The following SLC4A7 variants were observed in gnomAD, a reference collection of about 807,000 sequenced individuals.
SLC4A7 encodes the protein solute carrier family 4 member 7, also known as sodium bicarbonate cotransporter 3.
Under a neutral mutation model 137.6 loss-of-function variants are expected in SLC4A7, and 51 were observed. The observed-to-expected ratio is 0.37, with a 90% CI of 0.30 to 0.47. The LOEUF is 0.47. Ranked by LOEUF, SLC4A7 falls within the 20% of genes least tolerant of loss-of-function variation. The pLI is 1.00. For missense variants in SLC4A7, 1,247 were observed against 1,525.4 expected, an observed-to-expected ratio of 0.82 and a Z score of 3.04; for synonymous variants, 542 against 518.6, an observed-to-expected ratio of 1.05 and a Z score of -0.61.
chr3:27,460,109 C>T (rs1356075013), intron 1 of SLC4A7, among the ~76,000 whole-genome samples: 1 of 151,786 alleles, frequency 6.6e-6, no homozygotes, highest in Non-Finnish European at 1.5e-5. Flanking sequence ...TCTTGGCTCA[C>T]TGCAACCTCC....
intron 11 of SLC4A7, among the ~76,000 whole-genome samples, chr3:27,416,105 T>A (rs1186863068): frequency 6.6e-6 from 1 of 152,178 alleles, no homozygotes. Flanking sequence ...TACTCAAAAG[T>A]TTACAGTATT....
At position 27,394,996 on chromosome 3, in the gene SLC4A7, T is replaced by C. The variant is rs754367561; in HGVS notation, c.2823A>G (p.Gln941=). ...TTCTGTTTATAATTACAGCTGTGAT[T>C]TGTTGATCCATAAAGATGAGAATGG... ...LCTILIFMDQ[Q]ITAVIINRKE... is the part of the protein sequence containing the mutation. Residue 941 remains glutamine, a synonymous_variant, in exon 19 of 26, where the codon CAA becomes CAG. Transcript: ENST00000454389. The C allele has an allele frequency of 3.1e-6, 5 of 1,605,324 alleles. No individual in the cohort carries two copies. The African/African-American group carries it at 6.7e-5, about 22-fold the overall frequency.
intron 3 of SLC4A7, among the ~76,000 whole-genome samples, chr3:27,445,243 C>T (rs1160259370): frequency 6.6e-6 from 1 of 152,176 alleles, no homozygotes; most frequent in Non-Finnish European, 1.5e-5. Flanking sequence ...TCAAAAGGAT[C>T]CTTTTTCAGA....
At chr3:27,410,027 C>T (rs2053753438) in intron 12 of SLC4A7, among the ~76,000 whole-genome samples, 1 of 152,140 alleles carries the variant, frequency 6.6e-6, no homozygotes, top group African/African-American at 2.4e-5. Context: ...ACTTTAAAAA[C>T]TTTCAAAACT....
chr3:27,415,210 C>A (rs2054267955), intron 11 of SLC4A7, among the ~76,000 whole-genome samples: 1 of 152,164 alleles, frequency 6.6e-6, no homozygotes, highest in African/African-American at 2.4e-5. Flanking sequence ...TGGCCAGATG[C>A]ATTGTCTAAT....
chr3:27,475,350 A>G (rs181967907), intron 1 of SLC4A7, among the ~76,000 whole-genome samples: 2 of 151,046 alleles, frequency 1.3e-5, no homozygotes, highest in African/African-American at 4.9e-5. Flanking sequence ...GCCCTACGAG[A>G]TAAGTTTAAT....
At position 27,431,437 on chromosome 3, in the gene SLC4A7, C is replaced by G. The variant is rs1216069208; in HGVS notation, c.1011G>C (p.Gln337His). 6.2e-7 allele frequency: 1 copy of G among 1,613,934 alleles called. No individual in the cohort carries two copies. The highest frequency in any genetic ancestry group is 2.2e-5 in the East Asian group (1 of 44,890). ...RLTSRSSQES[Q>H]RQAPELLVSP... ...AAACCAGTAGTTCTGGGGCCTGACGCTGACTCTCTTGGGAACTTCTGGAGG... is the reference window on the plus strand; with the variant it reads ...AAACCAGTAGTTCTGGGGCCTGACGGTGACTCTCTTGGGAACTTCTGGAGG... Residue 337 changes from glutamine to histidine, a missense_variant, in exon 7 of 26, where the codon CAG (glutamine) becomes CAC (histidine). Physicochemically the swap from Gln to His is conservative, Grantham distance 24. Around this residue, in one of 6 missense-constraint regions of SLC4A7, gnomAD observed 223 missense variants for 203.6 expected, o/e 1.10. Coordinates refer to ENST00000454389, the MANE Select transcript of SLC4A7 (RefSeq NM_001321103.2).
At chr3:27,468,970 C>T (rs1432148624) in intron 1 of SLC4A7, among the ~76,000 whole-genome samples, 2 of 151,808 alleles carry the variant, frequency 1.3e-5, no homozygotes, top group Non-Finnish European at 2.9e-5. Flanking sequence ...AGCCAGGCTT[C>T]GTGGCACACA....
chr3:27,446,744 C>A (rs2057666814), intron 3 of SLC4A7, among the ~76,000 whole-genome samples: 1 of 151,744 alleles, frequency 6.6e-6, no homozygotes, highest in African/African-American at 2.4e-5. Context: ...CTTAGTATCA[C>A]CAAAAAAAAG....
At chr3:27,469,428 T>C (rs1244976247) in intron 1 of SLC4A7, among the ~76,000 whole-genome samples, 6 of 152,200 alleles carry the variant, frequency 3.9e-5, no homozygotes, top group East Asian at 1.9e-4. Flanking sequence ...GAACTTTAAA[T>C]TGGGGTTTCC....
intron 11 of SLC4A7, among the ~76,000 whole-genome samples, chr3:27,413,635 A>G (rs1576306669): frequency 6.6e-6 from 1 of 152,322 alleles, no homozygotes; most frequent in East Asian, 1.9e-4. Context: ...GAGATGCTGA[A>G]AAGGCATTTG....
chr3:27,482,089 G>A (rs1295243091), intron 1 of SLC4A7, among the ~76,000 whole-genome samples: 6 of 152,110 alleles, frequency 3.9e-5, no homozygotes, highest in African/African-American at 1.4e-4. Context: ...GGCGAGATCA[G>A]GCCATTGCGC....
chr3:27,425,402 C>T (rs568417382), intron 7 of SLC4A7, among the ~76,000 whole-genome samples: 7 of 122,020 alleles, frequency 5.7e-5, no homozygotes, highest in East Asian at 2.4e-4. Flanking sequence ...AAGGGCCAGG[C>T]GCTGTGGCTC....
chr3:27,445,126 T>C (rs372492836), intron 3 of SLC4A7, among the ~76,000 whole-genome samples: 1 of 152,212 alleles, frequency 6.6e-6, no homozygotes, highest in Admixed American at 6.5e-5. Context: ...CCCAGCCTTG[T>C]GTGAAAGTAC....
intron 2 of SLC4A7, among the ~76,000 whole-genome samples, chr3:27,451,153 C>T (rs1185748470): frequency 2.0e-5 from 3 of 150,692 alleles, no homozygotes; most frequent in East Asian, 1.9e-4. Flanking sequence ...AAAAAAAAAT[C>T]GTTTAGAGTT....
At chr3:27,381,354 C>A (rs991355523) in intron 24 of SLC4A7, among the ~76,000 whole-genome samples, 1 of 152,112 alleles carries the variant, frequency 6.6e-6, no homozygotes, top group Non-Finnish European at 1.5e-5. Flanking sequence ...TTACTAACAA[C>A]CATCATGGTA....
intron 13 of SLC4A7, among the ~76,000 whole-genome samples, chr3:27,407,002 T>C (rs1035455422): frequency 1.3e-5 from 2 of 151,424 alleles, no homozygotes; most frequent in African/African-American, 2.4e-5. Flanking sequence ...CATTGAGACA[T>C]GAAGCAAGGA....
At chr3:27,466,204 C>CT in intron 1 of SLC4A7, among the ~76,000 whole-genome samples, 1 of 151,656 alleles carries the variant, frequency 6.6e-6, no homozygotes, top group African/African-American at 2.4e-5. Flanking sequence ...GTAATCCCAG[C>CT]ACTTTGGGAG....
intron 1 of SLC4A7, among the ~76,000 whole-genome samples, chr3:27,461,078 C>T (rs2058670514): frequency 6.6e-6 from 1 of 152,118 alleles, no homozygotes; most frequent in Non-Finnish European, 1.5e-5. Flanking sequence ...CTGCAAGATT[C>T]CACTGTCTAT....
Sources: allele counts gnomAD v4.1 joint callset (sites outside exome capture counted in the v4.1 genomes callset), GRCh38; gene constraint gnomAD v4.1.1; regional missense constraint gnomAD v4.1.1; transcripts MANE v1.5; gene names NCBI Gene and HGNC (gene_info 2026-07-23, HGNC 2026-07-21).